The following SRPK2 variants were observed in gnomAD, a reference collection of about 807,000 sequenced individuals.
SRPK2 encodes SRSF protein kinase 2.
SRPK2 carries 21 observed loss-of-function variants against 90.8 expected under a neutral mutation model. The ratio of observed to expected loss-of-function variants is 0.23; its 90% CI spans 0.16 to 0.33. The LOEUF (loss-of-function observed/expected upper bound fraction) is 0.33, where lower values mean the gene tolerates loss of function less well. Ranked by LOEUF, SRPK2 falls within the 10% of genes least tolerant of loss-of-function variation. The probability of loss-of-function intolerance (pLI) is 1.00; values close to 1 mark genes in which losing one functional copy is unlikely to be tolerated. For synonymous variants in SRPK2, 288 were observed against 311.1 expected (o/e 0.93, Z 0.78); for missense variants, 620 against 869.0 (o/e 0.71, Z 3.60).
At chr7:105,311,965 A>AT (rs1294495769) in intron 2 of SRPK2, among the ~76,000 whole-genome samples, 1 of 152,256 alleles carries the variant, frequency 6.6e-6, no homozygotes, top group Non-Finnish European at 1.5e-5. Context: ...AATGCCATCA[A>AT]TGGGTGAGTA....
intron 2 of SRPK2, among the ~76,000 whole-genome samples, chr7:105,284,997 T>C (rs193296755): frequency 9.8e-4 from 150 of 152,302 alleles, no homozygotes; most frequent in Non-Finnish European, 1.7e-3. Context: ...AGCTTTGTTA[T>C]AATAAAGTTA....
chr7:105,287,259 TA>T (rs71520909), intron 2 of SRPK2, among the ~76,000 whole-genome samples: 4 of 58,870 alleles, frequency 6.8e-5, no homozygotes, highest in Non-Finnish European at 1.2e-4. Context: ...AGACTCCGTC[TA>T]AAAAAAAAAA....
intron 2 of SRPK2, among the ~76,000 whole-genome samples, chr7:105,314,083 A>G (rs1479340051): frequency 6.6e-6 from 1 of 152,002 alleles, no homozygotes; most frequent in African/African-American, 2.4e-5. Flanking sequence ...GGTGGTTCAC[A>G]CACTTTGGGA....
chr7:105,143,385 G>A (rs1024045503), intron 9 of SRPK2, 55 bp from the exon 10 acceptor site: 32 of 1,572,214 alleles, frequency 2.0e-5, no homozygotes, highest in African/African-American at 4.1e-5. Flanking sequence ...CACCACGATA[G>A]TATAACGACT....
At chr7:105,376,331 A>G (rs1469476771) in intron 2 of SRPK2, among the ~76,000 whole-genome samples, 1 of 150,876 alleles carries the variant, frequency 6.6e-6, no homozygotes, top group Non-Finnish European at 1.5e-5. Context: ...ACACACACAA[A>G]CACACACCCC....
chr7:105,305,496 G>T (rs556027795), intron 2 of SRPK2, among the ~76,000 whole-genome samples: 5 of 152,242 alleles, frequency 3.3e-5, no homozygotes, highest in African/African-American at 9.6e-5. Flanking sequence ...AAAGACCAAG[G>T]AAATTGTAGA....
chr7:105,385,740 A>G (rs1183862276), intron 2 of SRPK2, among the ~76,000 whole-genome samples: 2 of 152,164 alleles, frequency 1.3e-5, no homozygotes, highest in Admixed American at 6.6e-5. Flanking sequence ...GCCTTGATTC[A>G]ACAGCTGGGC....
At chr7:105,391,440 G>C (rs1822181038), upstream of SRPK2, among the ~76,000 whole-genome samples, 1 of 152,080 alleles carries the variant, frequency 6.6e-6, no homozygotes. Context: ...CCCAACCTCA[G>C]GTGATCCACC....
At chr7:105,185,804 C>G (rs1272241392) in intron 3 of SRPK2, among the ~76,000 whole-genome samples, 1 of 152,150 alleles carries the variant, frequency 6.6e-6, no homozygotes, top group Non-Finnish European at 1.5e-5. Flanking sequence ...AACTCATGCA[C>G]CAACTTGTAC....
chr7:105,222,605 AC>A (rs1437597889), intron 2 of SRPK2, among the ~76,000 whole-genome samples: 1 of 152,254 alleles, frequency 6.6e-6, no homozygotes, highest in Non-Finnish European at 1.5e-5. Flanking sequence ...CTCTTTAAAT[AC>A]TATAATGCCA....
intron 2 of SRPK2, among the ~76,000 whole-genome samples, chr7:105,204,206 AGC>A (rs765323497): frequency 6.6e-6 from 1 of 152,242 alleles, no homozygotes; most frequent in Non-Finnish European, 1.5e-5. Flanking sequence ...AACTTTTGAA[AGC>A]ACTTATTTCC....
chr7:105,130,068 C>CA (rs36043836), intron 13 of SRPK2, among the ~76,000 whole-genome samples: 7 of 150,732 alleles, frequency 4.6e-5, no homozygotes, highest in Non-Finnish European at 8.9e-5. Context: ...GTGTAAAGCT[C>CA]AAAAAAAAAG....
At chr7:105,129,896 T>G (rs895594269) in intron 13 of SRPK2, among the ~76,000 whole-genome samples, 14 of 152,182 alleles carry the variant, frequency 9.2e-5, no homozygotes, top group African/African-American at 3.4e-4. Context: ...CGAAGAAGTC[T>G]GGTGAAGTTT....
intron 3 of SRPK2, among the ~76,000 whole-genome samples, chr7:105,178,272 C>CCCA (rs1792257969): frequency 6.6e-6 from 1 of 152,082 alleles, no homozygotes; most frequent in African/African-American, 2.4e-5. Flanking sequence ...TTTAAAAGCA[C>CCCA]TTAGTAGCAA....
At chr7:105,381,249 A>C (rs1428517497) in intron 2 of SRPK2, among the ~76,000 whole-genome samples, 1 of 152,092 alleles carries the variant, frequency 6.6e-6, no homozygotes. Flanking sequence ...CTCAAGAAAA[A>C]AAAAAAAAGT....
chr7:105,128,981 T>A (rs561425396), intron 13 of SRPK2, among the ~76,000 whole-genome samples: 9 of 152,274 alleles, frequency 5.9e-5, no homozygotes, highest in South Asian at 2.1e-4. Context: ...ATGAAATAAT[T>A]TTTTTTTGAG....
At chr7:105,371,667 G>T (rs28461911) in intron 2 of SRPK2, among the ~76,000 whole-genome samples, 27,202 of 150,946 alleles carry the variant, frequency 0.18, 3,114 homozygotes, top group East Asian at 0.58. Context: ...GCCTGAGGTG[G>T]GAGGATCACT....
chr7:105,167,597 ACTTT>A (rs1360470244), intron 5 of SRPK2, 133 bp from the exon 6 acceptor site: 9 of 501,294 alleles, frequency 1.8e-5, no homozygotes, highest in Non-Finnish European at 3.0e-5. Flanking sequence ...TAAAAAATAA[ACTTT>A]ATTTATTTAT....
intron 2 of SRPK2, among the ~76,000 whole-genome samples, chr7:105,297,004 T>C (rs1377689384): frequency 6.6e-6 from 1 of 152,170 alleles, no homozygotes; most frequent in Non-Finnish European, 1.5e-5. Flanking sequence ...TTCAGAATAA[T>C]GTGTGGTGGG....
Sources: gnomAD v4.1 joint callset for allele counts (sites outside exome capture counted in the v4.1 genomes callset) on GRCh38, gnomAD v4.1.1 for gene constraint, MANE v1.5 for transcripts, NCBI Gene and HGNC (gene_info 2026-07-23, HGNC 2026-07-21) for gene names.